The following HHAT variants were observed in gnomAD, a reference collection of about 807,000 sequenced individuals.
HHAT encodes the protein protein-cysteine N-palmitoyltransferase HHAT.
Under a neutral mutation model 70.8 loss-of-function variants are expected in HHAT, and 47 were observed. The ratio of observed to expected loss-of-function variants is 0.66; its 90% CI spans 0.53 to 0.85. The LOEUF is 0.85. Among genes scored for constraint, HHAT ranks in the 40% least tolerant of loss-of-function variants. The pLI is 0.00. For synonymous variants in HHAT, 228 were observed against 247.6 expected (o/e 0.92, Z 0.74); for missense variants, 609 against 604.8 (o/e 1.01, Z -0.07).
chr1:210,613,141 T>C (rs1305262230), intron 10 of HHAT, among the ~76,000 whole-genome samples: 1 of 152,220 alleles, frequency 6.6e-6, no homozygotes, highest in Non-Finnish European at 1.5e-5. Flanking sequence ...CTTTTTACTT[T>C]TGTTGATGGT....
At chr1:210,586,053 G>C (rs963119010) in intron 9 of HHAT, among the ~76,000 whole-genome samples, 1 of 152,190 alleles carries the variant, frequency 6.6e-6, no homozygotes, top group Non-Finnish European at 1.5e-5. Context: ...TAGTCAAGGA[G>C]AGAGTCTTTG....
intron 10 of HHAT, among the ~76,000 whole-genome samples, chr1:210,614,067 A>C (rs534970010): frequency 1.9e-4 from 28 of 149,672 alleles, no homozygotes; most frequent in African/African-American, 5.9e-4. Context: ...TGAACGTGGG[A>C]TATCTTTGTA....
intron 9 of HHAT, among the ~76,000 whole-genome samples, chr1:210,541,818 C>G (rs959021194): frequency 6.6e-6 from 1 of 152,176 alleles, no homozygotes; most frequent in Non-Finnish European, 1.5e-5. Flanking sequence ...CAGCATCCCC[C>G]CTGGTCTCCT....
At chr1:210,328,878 C>T (rs530496953), upstream of HHAT, 6 of 552,370 alleles carry the variant, frequency 1.1e-5, no homozygotes, top group Middle Eastern at 5.4e-4. Context: ...CGCGGGTTCC[C>T]GAGTCCGGGC....
chr1:210,663,876 A>G (rs1453088372), intron 11 of HHAT, among the ~76,000 whole-genome samples: 2 of 152,172 alleles, frequency 1.3e-5, no homozygotes, highest in African/African-American at 2.4e-5. Flanking sequence ...TTCTGCTTCA[A>G]TTTCGAATAG....
chr1:210,659,414 G>A (rs549524361), intron 11 of HHAT, among the ~76,000 whole-genome samples: 50 of 152,126 alleles, frequency 3.3e-4, no homozygotes, highest in African/African-American at 8.9e-4. Flanking sequence ...ACCAATAACC[G>A]GCTCTGAAAT....
intron 5 of HHAT, 65 bp downstream of exon 5, chr1:210,400,727 G>A: frequency 1.4e-6 from 2 of 1,433,340 alleles, no homozygotes; most frequent in Non-Finnish European, 1.9e-6. Context: ...CTTGATCCCA[G>A]TAGACACCTT....
chr1:210,485,904 C>G (rs115684826), intron 8 of HHAT, among the ~76,000 whole-genome samples: 152 of 152,170 alleles, frequency 1.0e-3, no homozygotes, highest in African/African-American at 3.5e-3. Flanking sequence ...ACTGTATGCC[C>G]TGTGTTGTCT....
intron 8 of HHAT, among the ~76,000 whole-genome samples, chr1:210,483,061 C>T (rs1295474491): frequency 6.6e-6 from 1 of 152,158 alleles, no homozygotes; most frequent in Non-Finnish European, 1.5e-5. Context: ...TTTATCCACA[C>T]TGTCTGACAT....
At chr1:210,513,889 G>C (rs1002491980) in intron 9 of HHAT, among the ~76,000 whole-genome samples, 1 of 152,176 alleles carries the variant, frequency 6.6e-6, no homozygotes, top group African/African-American at 2.4e-5. Context: ...AATGGTTGCC[G>C]AAAGACTGCA....
intron 7 of HHAT, among the ~76,000 whole-genome samples, chr1:210,451,949 G>C (rs1440284940): frequency 6.6e-6 from 1 of 152,154 alleles, no homozygotes; most frequent in Non-Finnish European, 1.5e-5. Context: ...GTTTTATATA[G>C]AGATTTCAGA....
intron 5 of HHAT, 60 bp from the exon 6 acceptor site, chr1:210,404,404 G>C: frequency 1.1e-5 from 15 of 1,340,018 alleles, no homozygotes; most frequent in Non-Finnish European, 1.6e-5. Context: ...CACCTGCAGT[G>C]GGACTGGACG....
chr1:210,544,650 G>A (rs576797376), intron 9 of HHAT, among the ~76,000 whole-genome samples: 8 of 152,196 alleles, frequency 5.3e-5, no homozygotes, highest in African/African-American at 1.7e-4. Context: ...TGGGATTATA[G>A]GCATGAGCCA....
chr1:210,514,886 A>C (rs2095028286), intron 9 of HHAT, among the ~76,000 whole-genome samples: 1 of 152,250 alleles, frequency 6.6e-6, no homozygotes, highest in Non-Finnish European at 1.5e-5. Flanking sequence ...TAGAGAGAGC[A>C]GTGGTCTGCC....
intron 9 of HHAT, among the ~76,000 whole-genome samples, chr1:210,536,194 T>C (rs890088117): frequency 3.3e-5 from 5 of 152,222 alleles, no homozygotes; most frequent in Non-Finnish European, 2.9e-5. Context: ...ATAAATAGCC[T>C]ATGTGAAAGT....
chr1:210,601,937 C>CAGAGAGAGAGAGAG (rs147826172), intron 10 of HHAT, among the ~76,000 whole-genome samples: 3,495 of 147,298 alleles, frequency 0.024, 148 homozygotes, highest in African/African-American at 0.082. Flanking sequence ...ATTTGAGACT[C>CAGAGAGAGAGAGAG]AGAGAGAGAG....
chr1:210,537,277 G>A (rs374242865), intron 9 of HHAT, among the ~76,000 whole-genome samples: 2 of 152,136 alleles, frequency 1.3e-5, no homozygotes, highest in African/African-American at 2.4e-5. Flanking sequence ...GCTGTGCTAC[G>A]AAGTCCCTCA....
intron 10 of HHAT, among the ~76,000 whole-genome samples, chr1:210,610,381 T>C (rs1666341228): frequency 6.6e-6 from 1 of 152,196 alleles, no homozygotes; most frequent in South Asian, 2.1e-4. Flanking sequence ...TTTTCTCTTG[T>C]AGATTTATTT....
intron 8 of HHAT, among the ~76,000 whole-genome samples, chr1:210,504,093 T>C (rs150303538): frequency 0.019 from 2,963 of 152,310 alleles, 44 homozygotes; most frequent in Non-Finnish European, 0.028. Flanking sequence ...AGCTATAGGT[T>C]GAGAGAAAAT....
Sources: allele counts gnomAD v4.1 joint callset (sites outside exome capture counted in the v4.1 genomes callset), GRCh38; gene constraint gnomAD v4.1.1; transcripts MANE v1.5; gene names NCBI Gene and HGNC (gene_info 2026-07-23, HGNC 2026-07-21).